The following TTLL7 variants were observed in gnomAD, a reference collection of about 807,000 sequenced individuals.
TTLL7 encodes the protein tubulin polyglutamylase TTLL7.
A neutral mutation model predicts 120.2 loss-of-function variants in TTLL7; 53 were observed. The ratio of observed to expected loss-of-function variants is 0.44; its 90% confidence interval spans 0.35 to 0.55. The LOEUF is 0.55. Among genes scored for constraint, TTLL7 ranks in the 20% least tolerant of loss-of-function variants. TTLL7 has a pLI of 0.00. For synonymous variants in TTLL7, 353 were observed against 351.7 expected, an observed-to-expected ratio of 1.00 and a Z score of -0.04; for missense variants, 803 against 1,054.7, an observed-to-expected ratio of 0.76 and a Z score of 3.31.
intron 7 of TTLL7, among the ~76,000 whole-genome samples, chr1:83,939,630 G>A (rs2100836133): frequency 6.6e-6 from 1 of 152,298 alleles, no homozygotes; most frequent in African/African-American, 2.4e-5. Context: ...TTTTCAGCGT[G>A]TAGGCTTGAT....
At chr1:83,905,815 T>C (rs1376830727) in intron 17 of TTLL7, among the ~76,000 whole-genome samples, 2 of 151,898 alleles carry the variant, frequency 1.3e-5, no homozygotes, top group African/African-American at 2.4e-5. Flanking sequence ...AATGTTCCAC[T>C]GGGTGGTGCA....
rs375428743 is a variant in TTLL7, at chr1:83,993,300, C to T, written c.-177+5631G>A. Among the ~76,000 whole-genome samples the T allele has an allele frequency of 1.3e-3, 200 of 152,272 alleles. 6 individuals are homozygous for T. The Middle Eastern group carries it at 0.02, about 16-fold the overall frequency. On this transcript the variant is annotated intron_variant, in intron 1 of 20. Coordinates refer to ENST00000260505, the MANE Select transcript of TTLL7 (RefSeq NM_024686.6). ...GCTGCCTAGATTACTGCTGAGCCAC[C>T]TTCCAAATCTAAAAATGCTCAATTT...
At chr1:83,957,620 G>A (rs1320549416) in intron 1 of TTLL7, among the ~76,000 whole-genome samples, 1 of 152,116 alleles carries the variant, frequency 6.6e-6, no homozygotes, top group Non-Finnish European at 1.5e-5. Context: ...ACATCTAATA[G>A]GTTGAAGTGG....
chr1:83,927,550 T>A (rs750562508), intron 10 of TTLL7, among the ~76,000 whole-genome samples: 1 of 152,020 alleles, frequency 6.6e-6, no homozygotes, highest in South Asian at 2.1e-4. Context: ...ACTAAAACAG[T>A]TTGGGTTGGA....
At chr1:83,938,215 A>G (rs1647601518) in intron 7 of TTLL7, among the ~76,000 whole-genome samples, 199 bp from the exon 8 acceptor site, 1 of 152,244 alleles carries the variant, frequency 6.6e-6, no homozygotes, top group South Asian at 2.1e-4. Context: ...GAATGTAGTC[A>G]TCTACAGAGT....
chr1:83,961,468 C>T (rs1370208597), intron 1 of TTLL7, among the ~76,000 whole-genome samples: 2 of 151,990 alleles, frequency 1.3e-5, no homozygotes, highest in Non-Finnish European at 2.9e-5. Context: ...GGAATTTAGC[C>T]TATTATGACA....
chr1:83,934,820 T>C (rs1557679129), intron 8 of TTLL7, among the ~76,000 whole-genome samples: 1 of 152,148 alleles, frequency 6.6e-6, no homozygotes, highest in Non-Finnish European at 1.5e-5. Context: ...TGCTTAAACT[T>C]TGTGTGTCTC....
At chr1:83,913,149 G>C (rs1177958061) in intron 14 of TTLL7, 1 of 152,098 alleles carries the variant, frequency 6.6e-6, no homozygotes, top group Non-Finnish European at 1.5e-5. Context: ...AGCAGTCACA[G>C]CAACATAAAC....
chr1:83,969,672 G>T (rs1650800491), intron 1 of TTLL7, among the ~76,000 whole-genome samples: 1 of 151,916 alleles, frequency 6.6e-6, no homozygotes, highest in East Asian at 1.9e-4. Context: ...AAATGTTGAA[G>T]CACATTTGTG....
intron 14 of TTLL7, among the ~76,000 whole-genome samples, chr1:83,916,193 T>C (rs1658144000): frequency 6.6e-6 from 1 of 152,178 alleles, no homozygotes; most frequent in Non-Finnish European, 1.5e-5. Context: ...CATGCACACA[T>C]ATGTTTATTG....
At chr1:83,911,831 GGTGT>G (rs969164969) in intron 14 of TTLL7, among the ~76,000 whole-genome samples, 7 of 151,432 alleles carry the variant, frequency 4.6e-5, no homozygotes, top group Non-Finnish European at 8.9e-5. Context: ...GTATGTGTGT[GGTGT>G]GTGTGTGTCT....
chr1:83,922,139 C>G (rs1358057164), intron 10 of TTLL7, among the ~76,000 whole-genome samples: 1 of 152,050 alleles, frequency 6.6e-6, no homozygotes, highest in Non-Finnish European at 1.5e-5. Flanking sequence ...AAAGACCTAG[C>G]AGGAACAGGG....
intron 1 of TTLL7, among the ~76,000 whole-genome samples, chr1:83,978,555 A>C (rs544212258): frequency 6.6e-6 from 1 of 152,232 alleles, no homozygotes; most frequent in Non-Finnish European, 1.5e-5. Context: ...AAAAACTACA[A>C]ATCTCAACCA....
At chr1:83,997,947 T>C (rs887771176) in intron 1 of TTLL7, among the ~76,000 whole-genome samples, 1 of 152,232 alleles carries the variant, frequency 6.6e-6, no homozygotes, top group African/African-American at 2.4e-5. Flanking sequence ...AGATTATTTT[T>C]CACATGATTC....
At chr1:83,995,002 T>C (rs1653350730) in intron 1 of TTLL7, among the ~76,000 whole-genome samples, 2 of 152,130 alleles carry the variant, frequency 1.3e-5, no homozygotes, top group Admixed American at 1.3e-4. Context: ...TCACATATTC[T>C]CCTTCTCTGA....
intron 1 of TTLL7, among the ~76,000 whole-genome samples, chr1:83,967,580 A>G (rs981704731): frequency 1.3e-5 from 2 of 152,104 alleles, no homozygotes; most frequent in African/African-American, 4.8e-5. Context: ...TCCAGTTCTA[A>G]TATCAACAAT....
intron 20 of TTLL7, among the ~76,000 whole-genome samples, chr1:83,873,759 G>A (rs1318411305): frequency 6.6e-6 from 1 of 152,038 alleles, no homozygotes; most frequent in African/African-American, 2.4e-5. Flanking sequence ...CTGACCAGGA[G>A]GATCTCTGGA....
At chr1:83,985,022 G>A (rs1002265411) in intron 1 of TTLL7, among the ~76,000 whole-genome samples, 2 of 152,194 alleles carry the variant, frequency 1.3e-5, no homozygotes, top group African/African-American at 4.8e-5. Context: ...TGGTTCTCCA[G>A]AGGAACAGAA....
intron 7 of TTLL7, 62 bp from the exon 8 acceptor site, chr1:83,938,078 G>C: frequency 1.3e-6 from 2 of 1,531,272 alleles, no homozygotes; most frequent in South Asian, 1.2e-5. Flanking sequence ...CGAAGTTTCA[G>C]AGGAAAAAAA....
Sources: gnomAD v4.1 joint callset for allele counts (sites outside exome capture counted in the v4.1 genomes callset) on GRCh38, gnomAD v4.1.1 for gene constraint, MANE v1.5 for transcripts, NCBI Gene and HGNC (gene_info 2026-07-23, HGNC 2026-07-21) for gene names.